Variants in CNTN1 observed in about 807,000 individuals in gnomAD.
CNTN1 encodes contactin-1.
A neutral mutation model predicts 126.4 loss-of-function variants in CNTN1; 38 were observed. The ratio of observed to expected loss-of-function variants is 0.30; its 90% CI spans 0.23 to 0.39. CNTN1 has a LOEUF of 0.39. Ranked by LOEUF, CNTN1 falls within the 10% of genes least tolerant of loss-of-function variation. The pLI, the probability that CNTN1 is intolerant of heterozygous loss-of-function variation, is 1.00. For missense variants in CNTN1, 1,009 were observed against 1,248.4 expected (o/e 0.81, Z 2.89); for synonymous variants, 413 against 422.6 (o/e 0.98, Z 0.28).
At chr12:40,783,637 G>A (rs1939889567) in intron 1 of CNTN1, among the ~76,000 whole-genome samples, 1 of 152,020 alleles carries the variant, frequency 6.6e-6, no homozygotes, top group Non-Finnish European at 1.5e-5. Flanking sequence ...CAGTAACAAT[G>A]TTTCAGGTAA....
chr12:40,900,439 G>A (rs1163867140), intron 1 of CNTN1, among the ~76,000 whole-genome samples: 1 of 152,014 alleles, frequency 6.6e-6, no homozygotes, highest in Non-Finnish European at 1.5e-5. Flanking sequence ...CATTTTGGGA[G>A]TGTGTGTGTG....
chr12:40,989,494 T>C (rs1374396648), intron 16 of CNTN1, among the ~76,000 whole-genome samples: 1 of 152,026 alleles, frequency 6.6e-6, no homozygotes, highest in Non-Finnish European at 1.5e-5. Context: ...CATGACAATA[T>C]AGAGTCATGG....
chr12:40,830,157 A>G (rs1565796226), intron 1 of CNTN1, among the ~76,000 whole-genome samples: 1 of 152,150 alleles, frequency 6.6e-6, no homozygotes, highest in Non-Finnish European at 1.5e-5. Context: ...AATCTCATTT[A>G]AAAGACATAA....
intron 1 of CNTN1, among the ~76,000 whole-genome samples, chr12:40,814,781 C>T (rs572465625): frequency 7.2e-5 from 11 of 152,058 alleles, no homozygotes; most frequent in African/African-American, 2.7e-4. Flanking sequence ...CTATAAATTA[C>T]CTTGGGCATA....
chr12:41,051,893 A>AACAC (rs71078300), intron 23 of CNTN1, among the ~76,000 whole-genome samples: 1,403 of 134,564 alleles, frequency 0.01, 13 homozygotes, highest in African/African-American at 0.024. Context: ...ACCCCACACA[A>AACAC]ACACACACAC....
Position 40,936,878 on chromosome 12 carries a change from A to G in CNTN1, c.1083A>G (p.Thr361=). The G allele has an allele frequency of 6.2e-7, 1 of 1,613,198 alleles. No individual in the cohort carries two copies. Among genetic ancestry groups the G allele is most frequent in the Non-Finnish European group, 8.5e-7 (1 of 1,179,380 alleles). The part of the protein sequence containing the change: ...PCVATGKPIP[T]IRWLKNGYAY... ...TGGCCACAGGAAAGCCCATCCCTAC[A>G]ATCCGATGGTTGAAAAATGGATATG... Residue 361 remains threonine, a synonymous_variant, in exon 10 of 24, where the codon ACA becomes ACG. Transcript: ENST00000551295.
chr12:40,918,525 AT>A (rs1945324738), intron 3 of CNTN1, 113 bp from the exon 4 acceptor site: 1 of 949,266 alleles, frequency 1.1e-6, no homozygotes, highest in African/African-American at 1.7e-5. Context: ...TTTGTTTTGA[AT>A]TAAAATGGAG....
chr12:41,020,309 AT>A, intron 19 of CNTN1, 27 bp from the exon 20 acceptor site: 1 of 1,387,166 alleles, frequency 7.2e-7, no homozygotes, highest in Middle Eastern at 1.8e-4. Context: ...TATCTCACTA[AT>A]AATATAATGT....
At chr12:40,922,020 A>G (rs1945459796) in intron 4 of CNTN1, among the ~76,000 whole-genome samples, 1 of 152,250 alleles carries the variant, frequency 6.6e-6, no homozygotes, top group Non-Finnish European at 1.5e-5. Flanking sequence ...CCTCACAAAA[A>G]AAAGACAAAA....
At chr12:40,953,119 G>A (rs759088992) in intron 14 of CNTN1, among the ~76,000 whole-genome samples, 12 of 152,078 alleles carry the variant, frequency 7.9e-5, no homozygotes, top group South Asian at 2.1e-4. Flanking sequence ...GTTAGTTTAC[G>A]GGGGAAGGTG....
At chr12:40,751,488 G>A (rs1170086675) in intron 1 of CNTN1, among the ~76,000 whole-genome samples, 7 of 151,920 alleles carry the variant, frequency 4.6e-5, no homozygotes, top group Non-Finnish European at 8.8e-5. Context: ...TCAGGAGAAG[G>A]AGTCAAAGGA....
rs536119206 is a variant in CNTN1, at chr12:40,772,505, G to A, written c.-77+79913G>A. On this transcript the variant is annotated intron_variant, in intron 1 of 23. Coordinates refer to ENST00000551295, the MANE Select transcript of CNTN1 (RefSeq NM_001843.4). ...GGGAGATATTAATACTTGCCACAGC[G>A]TTATAAGTTTGAAAGATTAACTTTA... Among the ~76,000 whole-genome samples, 30 of 152,010 alleles carry A rather than the reference G, an allele frequency of 2.0e-4. 1 individual carries two copies. Among genetic ancestry groups the A allele is most frequent in the African/African-American group, 4.3e-4 (18 of 41,508 alleles).
Position 40,959,118 on chromosome 12 carries a change from A to C in CNTN1, c.1688A>C (p.Asp563Ala), listed in dbSNP as rs1325371415. 2 of 1,612,306 alleles carry C rather than the reference A, an allele frequency of 1.2e-6. No homozygotes were observed. Among genetic ancestry groups the C allele is most frequent in the African/African-American group, 2.7e-5 (2 of 74,826 alleles). ...AATTGCTGTTTTTGCTAACAGCTGGATTCCAATGGGGAATTACTAATCCGA... is the reference window on the plus strand; with the variant it reads ...AATTGCTGTTTTTGCTAACAGCTGGCTTCCAATGGGGAATTACTAATCCGA... Reference protein sequence around the residue: ...NIHYQRNFMLDSNGELLIRNA... With the variant: ...NIHYQRNFMLASNGELLIRNA... Residue 563 changes from aspartate (D) to alanine (A), a missense_variant, in exon 15 of 24, where the codon GAT becomes GCT. Transcript: ENST00000551295.
intron 23 of CNTN1, among the ~76,000 whole-genome samples, chr12:41,059,801 G>T (rs185025750): frequency 6.6e-6 from 1 of 152,094 alleles, no homozygotes; most frequent in African/African-American, 2.4e-5. Context: ...GAGGTGAGAG[G>T]ATTGCTTGAA....
At chr12:40,942,822 G>T (rs1946303896) in intron 12 of CNTN1, among the ~76,000 whole-genome samples, 1 of 152,036 alleles carries the variant, frequency 6.6e-6, no homozygotes, top group South Asian at 2.1e-4. Context: ...CGGAAATTTT[G>T]TTATTTTCTT....
chr12:40,746,673 C>A, intron 1 of CNTN1, among the ~76,000 whole-genome samples: 1 of 152,054 alleles, frequency 6.6e-6, no homozygotes, highest in South Asian at 2.1e-4. Context: ...CGCCTACATG[C>A]ACGGTGGTCT....
chr12:40,922,354 C>T lies in CNTN1; in HGVS notation c.326C>T (p.Ala109Val), dbSNP rs775272494. 1.2e-6 allele frequency: 2 copies of T among 1,613,922 alleles called. No individual in the cohort carries two copies. Among genetic ancestry groups the T allele is most frequent in the Non-Finnish European group, 1.7e-6 (2 of 1,179,878 alleles). ...VINNPDKQKD[A>V]GIYYCLASNN... ...AACAACCCTGACAAACAGAAAGATG[C>T]TGGAATATACTACTGTTTAGCATCT... Residue 109 changes from alanine (A) to valine (V), a missense_variant, in exon 5 of 24, where the codon GCT becomes GTT. Physicochemically the swap from Ala to Val is moderately conservative, Grantham distance 64. Transcript: ENST00000551295.
intron 15 of CNTN1, chr12:40,972,244 G>T (rs1419143599): frequency 4.1e-6 from 4 of 985,190 alleles, no homozygotes; most frequent in Non-Finnish European, 4.8e-6. Flanking sequence ...TAGATCGTTT[G>T]GGTGGAAGGT....
chr12:40,980,964 G>T lies in CNTN1; in HGVS notation c.1860G>T (p.Val620=). ...LRIEDIRATS[V]ALTWSRGSDN... is the part of the protein sequence containing the mutation. ...TAGAAGACATTAGAGCCACTTCTGTGGCACTTACTTGGAGCCGTGGTTCAG... is the reference window on the plus strand; with the variant it reads ...TAGAAGACATTAGAGCCACTTCTGTTGCACTTACTTGGAGCCGTGGTTCAG... The change falls in exon 16 of 24, where the codon GTG becomes GTT. Residue 620 remains valine (V), a synonymous_variant. Transcript: ENST00000551295. The T allele has an allele frequency of 6.2e-7, 1 of 1,613,946 alleles. No individual in the cohort carries two copies. Among genetic ancestry groups the T allele is most frequent in the Non-Finnish European group, 8.5e-7 (1 of 1,179,934 alleles).
Sources: gnomAD v4.1 joint callset for allele counts (sites outside exome capture counted in the v4.1 genomes callset) on GRCh38, gnomAD v4.1.1 for gene constraint, MANE v1.5 for transcripts, NCBI Gene and HGNC (gene_info 2026-07-23, HGNC 2026-07-21) for gene names.